Variants in PTPRG observed in about 807,000 individuals in gnomAD.
The protein encoded by PTPRG is receptor-type tyrosine-protein phosphatase gamma.
PTPRG carries 102 observed loss-of-function variants against 165.3 expected under a neutral mutation model. The observed-to-expected ratio is 0.62, with a 90% CI of 0.53 to 0.73. PTPRG has a LOEUF of 0.73. PTPRG is among the 30% of genes least tolerant of loss of function. The pLI, the probability that PTPRG is intolerant of heterozygous loss-of-function variation, is 0.00. For missense variants in PTPRG, 1,866 were observed against 1,861.4 expected, an observed-to-expected ratio of 1.00 and a Z score of -0.05; for synonymous variants, 675 against 669.5, an observed-to-expected ratio of 1.01 and a Z score of -0.13.
At chr3:61,838,875 C>T (rs1032768083) in intron 2 of PTPRG, among the ~76,000 whole-genome samples, 4 of 152,130 alleles carry the variant, frequency 2.6e-5, no homozygotes, top group Non-Finnish European at 5.9e-5. Context: ...TTCCAGAATT[C>T]TGAGAGTTTG....
chr3:61,637,758 T>C (rs918406231), intron 1 of PTPRG, among the ~76,000 whole-genome samples: 1 of 152,186 alleles, frequency 6.6e-6, no homozygotes, highest in African/African-American at 2.4e-5. Flanking sequence ...TTGTTGGCCA[T>C]GCACCAGAAA....
At chr3:61,666,763 A>G (rs1376622325) in intron 1 of PTPRG, among the ~76,000 whole-genome samples, 3 of 152,210 alleles carry the variant, frequency 2.0e-5, no homozygotes, top group Admixed American at 6.5e-5. Flanking sequence ...AGTAACATCT[A>G]TCCTAGATGC....
At chr3:62,088,150 A>G (rs911630030) in intron 5 of PTPRG, among the ~76,000 whole-genome samples, 46 of 152,212 alleles carry the variant, frequency 3.0e-4, no homozygotes, top group African/African-American at 1.0e-3. Context: ...CCATGTCTGG[A>G]AACACTTTAG....
chr3:62,281,499 C>T, intron 26 of PTPRG, 64 bp from the exon 27 acceptor site: 4 of 1,350,902 alleles, frequency 3.0e-6, no homozygotes, highest in Non-Finnish European at 3.9e-6. Flanking sequence ...AATCCGTATG[C>T]AAGAAATAGA....
At chr3:61,996,546 C>G (rs1222392422) in intron 3 of PTPRG, among the ~76,000 whole-genome samples, 1 of 152,174 alleles carries the variant, frequency 6.6e-6, no homozygotes. Flanking sequence ...CATTTGGAAA[C>G]ATCTGGGCCC....
At chr3:61,757,979 C>G (rs2033689388) in intron 2 of PTPRG, among the ~76,000 whole-genome samples, 1 of 152,208 alleles carries the variant, frequency 6.6e-6, no homozygotes, top group African/African-American at 2.4e-5. Context: ...TACTTAAGGG[C>G]TACCAGTTTT....
chr3:62,234,155 A>G (rs759638924), intron 14 of PTPRG, among the ~76,000 whole-genome samples: 31 of 152,308 alleles, frequency 2.0e-4, no homozygotes, highest in African/African-American at 7.2e-4. Flanking sequence ...CCCTATGCCT[A>G]TATAATTTCC....
Position 62,019,233 on chromosome 3 carries a change from A to G in PTPRG, c.519+15736A>G, listed in dbSNP as rs78422204. ...ATTCCCCATACTTCTATCAAAAACA[A>G]TTCCTCAGGCCGGATGTAGTAGCTC... On this transcript the variant is annotated intron_variant, in intron 4 of 29. Transcript: ENST00000474889. 8.5e-4 allele frequency among the ~76,000 whole-genome samples: 130 copies of G among 152,328 alleles called. No homozygotes were observed. The East Asian group carries it at 0.019, about 22-fold the overall frequency.
At chr3:61,596,827 A>G (rs1700714110) in intron 1 of PTPRG, among the ~76,000 whole-genome samples, 1 of 152,214 alleles carries the variant, frequency 6.6e-6, no homozygotes, top group South Asian at 2.1e-4. Context: ...CTAGTGAGAC[A>G]GAATTACTTT....
intron 12 of PTPRG, among the ~76,000 whole-genome samples, chr3:62,204,955 T>C (rs1245707335): frequency 6.6e-6 from 1 of 152,158 alleles, no homozygotes; most frequent in Non-Finnish European, 1.5e-5. Flanking sequence ...GACTACAAGA[T>C]GTTTAGCAAC....
chr3:62,270,282 T>G (rs1702018112), intron 20 of PTPRG, among the ~76,000 whole-genome samples: 1 of 152,180 alleles, frequency 6.6e-6, no homozygotes, highest in Admixed American at 6.5e-5. Context: ...CTCACATTTT[T>G]ATGTAAAATT....
chr3:61,609,723 G>A (rs971872974), intron 1 of PTPRG, among the ~76,000 whole-genome samples: 1 of 152,066 alleles, frequency 6.6e-6, no homozygotes, highest in African/African-American at 2.4e-5. Context: ...GCTGGGTGTG[G>A]TGGCGTGCAC....
intron 2 of PTPRG, among the ~76,000 whole-genome samples, chr3:61,761,811 T>C (rs916654664): frequency 1.3e-5 from 2 of 152,206 alleles, no homozygotes; most frequent in Admixed American, 1.3e-4. Flanking sequence ...TAAAGCTGCA[T>C]GAAATTTTGC....
intron 2 of PTPRG, among the ~76,000 whole-genome samples, chr3:61,815,531 G>A (rs1426416269): frequency 3.3e-5 from 5 of 152,202 alleles, no homozygotes; most frequent in Non-Finnish European, 4.4e-5. Flanking sequence ...CCATGTCTCA[G>A]TGTCATCTCT....
chr3:61,897,291 A>G (rs1282664063), intron 2 of PTPRG, among the ~76,000 whole-genome samples: 1 of 149,972 alleles, frequency 6.7e-6, no homozygotes, highest in African/African-American at 2.5e-5. Context: ...GTTTAGGCTG[A>G]TCTTCTCTTT....
intron 12 of PTPRG, among the ~76,000 whole-genome samples, chr3:62,206,348 G>T (rs77308150): frequency 0.048 from 7,235 of 152,220 alleles, 358 homozygotes; most frequent in East Asian, 0.22. Flanking sequence ...TCTTGGCAGA[G>T]TGGCTTTGGG....
chr3:62,218,378 C>T (rs560123270), intron 12 of PTPRG, among the ~76,000 whole-genome samples: 1 of 152,260 alleles, frequency 6.6e-6, no homozygotes, highest in Admixed American at 6.5e-5. Flanking sequence ...AGATGGCCAT[C>T]GTAGTCACAG....
rs1384745313 is a variant in PTPRG at position 62,157,348 on chromosome 3, T to G, written c.840+124T>G. On this transcript the variant is annotated intron_variant, in intron 7 of 29. Coordinates refer to ENST00000474889, the MANE Select transcript of PTPRG (RefSeq NM_002841.4). ...TGATCCTGTGCATATCATTGATTCC[T>G]GCAGTCTTTCCCACAAACATGTTTT... 5 of 988,052 alleles carry G rather than the reference T, an allele frequency of 5.1e-6. No individual in the cohort carries two copies. The East Asian group carries it at 1.3e-4, about 26-fold the overall frequency. The allele number at this position is 988,052 out of a possible 1,614,324, so 61.2% of individuals were successfully genotyped here.
intron 2 of PTPRG, among the ~76,000 whole-genome samples, chr3:61,846,436 A>T (rs2036807486): frequency 6.6e-6 from 1 of 152,122 alleles, no homozygotes; most frequent in Admixed American, 6.5e-5. Context: ...CAGAGTCAAA[A>T]AAAACACCCA....
Sources: allele counts gnomAD v4.1 joint callset (sites outside exome capture counted in the v4.1 genomes callset), GRCh38; gene constraint gnomAD v4.1.1; transcripts MANE v1.5; gene names NCBI Gene and HGNC (gene_info 2026-07-23, HGNC 2026-07-21).